The following SERHL2 variants were observed in gnomAD, a reference collection of about 807,000 sequenced individuals.
The protein encoded by SERHL2 is serine hydrolase like 2.
A neutral mutation model predicts 25.5 loss-of-function variants in SERHL2; 29 were observed. That is an observed-to-expected ratio of 1.14 (90% CI 0.85 to 1.55). The LOEUF is 1.55. SERHL2 is among the 40% of genes most tolerant of loss of function. The pLI, the probability that SERHL2 is intolerant of heterozygous loss-of-function variation, is 0.00. For synonymous variants in SERHL2, 95 were observed against 103.5 expected, an observed-to-expected ratio of 0.92 and a Z score of 0.50; for missense variants, 240 against 252.3, an observed-to-expected ratio of 0.95 and a Z score of 0.33.
At position 42,554,050 on chromosome 22, in the gene SERHL2, G is replaced by C. The variant is rs772948272; in HGVS notation, c.22+8G>C. The C allele has an allele frequency of 1.7e-5, 28 of 1,613,220 alleles. No homozygotes were observed. Among genetic ancestry groups the C allele is most frequent in the Non-Finnish European group, 2.1e-5 (25 of 1,179,678 alleles). On this transcript the variant is annotated splice_region_variant and intron_variant, in intron 1 of 11. Coordinates refer to ENST00000327678, the MANE Select transcript of SERHL2 (RefSeq NM_014509.5). Reference sequence around the variant, plus strand: ...GTGAGAACGCCGCACCAGGTCTGACGGGGAGGCCTTGTGCGAGCGTCCCAC... The same window carrying C: ...GTGAGAACGCCGCACCAGGTCTGACCGGGAGGCCTTGTGCGAGCGTCCCAC...
chr22:42,561,112 C>T (rs1025868574), intron 8 of SERHL2, among the ~76,000 whole-genome samples: 8 of 151,904 alleles, frequency 5.3e-5, no homozygotes, highest in African/African-American at 1.9e-4. Context: ...CACAGGTGAA[C>T]AGGCACATGA....
chr22:42,563,279 CTG>C (rs1922924685), intron 8 of SERHL2: 1 of 212,046 alleles, frequency 4.7e-6, no homozygotes, highest in Non-Finnish European at 1.0e-5. Context: ...CCATGGCTCA[CTG>C]CAGCCTTGGC....
Position 42,566,300 on chromosome 22 carries a change from C to T in SERHL2, c.614-4C>T. On this transcript the variant is annotated splice_polypyrimidine_tract_variant and splice_region_variant and intron_variant, in intron 8 of 11. Transcript: ENST00000327678. The stretch of plus-strand genomic sequence containing the variant: ...CGCTGCTGTCTTTGTGCTTCCGCCT[C>T]CAGGTCTGGTTCTGAACAGAGACCA... 1 of 1,611,830 alleles carries T rather than the reference C, an allele frequency of 6.2e-7. No individual in the cohort carries two copies. Among genetic ancestry groups the T allele is most frequent in the Non-Finnish European group, 8.5e-7 (1 of 1,179,068 alleles).
rs779038651 is a variant in SERHL2 at position 42,566,326 on chromosome 22, G to T, written c.636G>T (p.Gln212His). 5.0e-6 allele frequency: 8 copies of T among 1,612,028 alleles called. No individual in the cohort carries two copies. The African/African-American group carries it at 1.1e-4, about 22-fold the overall frequency. ...VATGLVLNRD[Q>H]RLAWAENSID... ...CAGGTCTGGTTCTGAACAGAGACCAGAGGCTCGCCTGGGTGAGTACCACTG... is the reference window on the plus strand; with the variant it reads ...CAGGTCTGGTTCTGAACAGAGACCATAGGCTCGCCTGGGTGAGTACCACTG... Residue 212 changes from glutamine (Q) to histidine (H), a missense_variant, in exon 9 of 12, where the codon CAG becomes CAT. Physicochemically the swap from Gln to His is conservative, Grantham distance 24. Transcript: ENST00000327678.
In SERHL2 at chr22:42,571,502, T is replaced by G. The variant is rs527479633; in HGVS notation, c.731+299T>G. The G allele has an allele frequency of 1.6e-5, 19 of 1,204,054 alleles. No homozygotes were observed. The East Asian group carries it at 7.3e-4, about 46-fold the overall frequency. 74.6% of individuals were successfully genotyped at this position (1,204,054 alleles called of 1,614,324 possible). Reference sequence around the variant, plus strand: ...ACCAGTGAGCCCAGTCTCGGCTGACTGCAACCTCTGTCTCCTGGATTCAAA... The same window carrying G: ...ACCAGTGAGCCCAGTCTCGGCTGACGGCAACCTCTGTCTCCTGGATTCAAA... On this transcript the variant is annotated intron_variant, in intron 10 of 11. Coordinates refer to ENST00000327678, the MANE Select transcript of SERHL2 (RefSeq NM_014509.5).
At chr22:42,559,229 TA>T (rs1194822216) in intron 7 of SERHL2, among the ~76,000 whole-genome samples, 10,790 of 69,296 alleles carry the variant, frequency 0.16, 813 homozygotes, top group Admixed American at 0.21. Flanking sequence ...ACCCTGTATT[TA>T]AAAAAAAAAA....
At chr22:42,567,539 C>G (rs1923565055) in intron 9 of SERHL2, among the ~76,000 whole-genome samples, 1 of 151,342 alleles carries the variant, frequency 6.6e-6, no homozygotes, top group African/African-American at 2.4e-5. Context: ...TGGCAGGCGC[C>G]TGTAGTCCCA....
chr22:42,554,668 A>C (rs1922010738), intron 1 of SERHL2, among the ~76,000 whole-genome samples: 2 of 151,826 alleles, frequency 1.3e-5, no homozygotes, highest in East Asian at 3.9e-4. Flanking sequence ...GCCCCAGCAC[A>C]TTCTAGAAGG....
rs747480683 is a variant in SERHL2 at position 42,571,215 on chromosome 22, C to T, written c.731+12C>T. 76 of 1,612,088 alleles carry T rather than the reference C, an allele frequency of 4.7e-5. No individual in the cohort carries two copies. The highest frequency in any genetic ancestry group is 6.4e-5 in the Non-Finnish European group (75 of 1,179,062). On this transcript the variant is annotated intron_variant, in intron 10 of 11. Coordinates refer to ENST00000327678, the MANE Select transcript of SERHL2 (RefSeq NM_014509.5). ...GTCCTGTTGATCAAGTAAGTCTGGA[C>T]CCATCCCCTTCAGCCACCCGCCAAG...
chr22:42,562,016 T>C (rs2146691754), intron 8 of SERHL2, among the ~76,000 whole-genome samples: 1 of 151,560 alleles, frequency 6.6e-6, no homozygotes, highest in African/African-American at 2.4e-5. Context: ...CCTATGTGGG[T>C]GTCAGGGGGG....
intron 7 of SERHL2, among the ~76,000 whole-genome samples, chr22:42,559,399 C>T (rs1922384398): frequency 6.6e-6 from 1 of 151,446 alleles, no homozygotes; most frequent in Non-Finnish European, 1.5e-5. Flanking sequence ...AAGTGAGACC[C>T]TGTCTCAATT....
Position 42,572,520 on chromosome 22 carries a change from C to T in SERHL2, c.816C>T (p.Thr272=). 2 of 1,612,014 alleles carry T rather than the reference C, an allele frequency of 1.2e-6. No homozygotes were observed. Among genetic ancestry groups the T allele is most frequent in the South Asian group, 2.2e-5 (2 of 91,018 alleles). ...LSFMIDTMKS[T]LKEQFQFVEV... ...TCATGATAGACACGATGAAATCCAC[C>T]CTCAAAGAGGTAAGACGGGGCTCAG... Residue 272 remains threonine, a synonymous_variant, in exon 11 of 12, where the codon ACC becomes ACT. Transcript: ENST00000327678.
At chr22:42,560,037 C>A in intron 7 of SERHL2, 149 bp from the exon 8 acceptor site, 3 of 627,822 alleles carry the variant, frequency 4.8e-6, no homozygotes, top group Non-Finnish European at 8.6e-6. Context: ...GTCTCAAACT[C>A]CTGACCTCAG....
chr22:42,563,186 TTTTC>T (rs1432774417), intron 8 of SERHL2, among the ~76,000 whole-genome samples: 9 of 125,744 alleles, frequency 7.2e-5, no homozygotes, highest in Admixed American at 5.0e-4. Flanking sequence ...CTTTTTCTTT[TTTTC>T]TTTTTTTTTT....
chr22:42,566,406 T>C, intron 9 of SERHL2, 68 bp downstream of exon 9: 9 of 1,533,970 alleles, frequency 5.9e-6, no homozygotes, highest in Non-Finnish European at 8.1e-6. Context: ...TTTTTGAAAA[T>C]TACAGGCCAG....
intron 9 of SERHL2, chr22:42,569,617 G>C (rs1264827375): frequency 2.0e-5 from 3 of 151,924 alleles, no homozygotes; most frequent in Non-Finnish European, 4.4e-5. Context: ...CTTGTGCCCA[G>C]GAAGCCCCTC....
rs767644863 is a variant in SERHL2, at chr22:42,560,228, G to C, written c.576G>C (p.Glu192Asp). 3.7e-6 allele frequency: 6 copies of C among 1,613,008 alleles called. No individual in the cohort carries two copies. In the East Asian group the frequency reaches 1.1e-4, roughly 30 times the overall value. The stretch of plus-strand genomic sequence containing the variant: ...GCCACTTGAGTGAGGAGTGCGGGGA[G>C]CTTCTCCTGCAAAGAGGAACCACGA... ...SNSHLSEECG[E>D]LLLQRGTTKV... The change falls in exon 8 of 12, where the codon GAG becomes GAC. Residue 192 changes from glutamate (E) to aspartate (D), a missense_variant. By Grantham distance (45) the Glu-to-Asp change is conservative (BLOSUM62 2). This residue lies in a region of SERHL2 where 212 missense variants were observed against 168.9 expected (regional missense o/e 1.25). Transcript: ENST00000327678.
chr22:42,567,410 G>T (rs1482734546), intron 9 of SERHL2, among the ~76,000 whole-genome samples: 2 of 151,814 alleles, frequency 1.3e-5, no homozygotes, highest in South Asian at 2.1e-4. Flanking sequence ...CACGCCTGTA[G>T]TCCCAGCACT....
chr22:42,570,753 C>G (rs563877911), intron 9 of SERHL2, among the ~76,000 whole-genome samples: 1 of 152,226 alleles, frequency 6.6e-6, no homozygotes, highest in East Asian at 1.9e-4. Flanking sequence ...AGCCTATGGA[C>G]TGGGAAAGGG....
Sources: gnomAD v4.1 joint callset for allele counts (sites outside exome capture counted in the v4.1 genomes callset) on GRCh38, gnomAD v4.1.1 for gene constraint, gnomAD v4.1.1 regional missense constraint, MANE v1.5 for transcripts, NCBI Gene and HGNC (gene_info 2026-07-23, HGNC 2026-07-21) for gene names.